The following HNF4G variants were observed in gnomAD, a reference collection of about 807,000 sequenced individuals.
The protein encoded by HNF4G is hepatocyte nuclear factor 4-gamma.
A neutral mutation model predicts 50.9 loss-of-function variants in HNF4G; 21 were observed. The ratio of observed to expected loss-of-function variants is 0.41; its 90% CI spans 0.29 to 0.59. The LOEUF (loss-of-function observed/expected upper bound fraction) is 0.59, where lower values mean the gene tolerates loss of function less well. Ranked by LOEUF, HNF4G falls within the 20% of genes least tolerant of loss-of-function variation. The pLI is 0.26. For synonymous variants in HNF4G, 198 were observed against 185.6 expected, an observed-to-expected ratio of 1.07 and a Z score of -0.54; for missense variants, 527 against 559.4, an observed-to-expected ratio of 0.94 and a Z score of 0.58.
chr8:75,470,093 C>T (rs1812079066), intron 1 of HNF4G, among the ~76,000 whole-genome samples: 1 of 152,186 alleles, frequency 6.6e-6, no homozygotes, highest in African/African-American at 2.4e-5. Context: ...GCCTTCTCCA[C>T]TCAGCAAAGC....
At chr8:75,447,551 T>C (rs930086800) in intron 1 of HNF4G, among the ~76,000 whole-genome samples, 2 of 147,538 alleles carry the variant, frequency 1.4e-5, no homozygotes, top group African/African-American at 5.0e-5. Flanking sequence ...AGGGCTAATA[T>C]CCAGAATCTA....
At chr8:75,548,525 T>A (rs1290722719) in intron 3 of HNF4G, among the ~76,000 whole-genome samples, 6 of 152,164 alleles carry the variant, frequency 3.9e-5, no homozygotes, top group Non-Finnish European at 8.8e-5. Context: ...AGAGACTAGA[T>A]GTGCTATTTT....
intron 1 of HNF4G, among the ~76,000 whole-genome samples, chr8:75,542,338 G>T (rs894894603): frequency 6.6e-6 from 1 of 151,804 alleles, no homozygotes; most frequent in African/African-American, 2.4e-5. Flanking sequence ...ATAAGCAGGG[G>T]TCTAGGTTCT....
chr8:75,409,249 C>T (rs905020710), intron 1 of HNF4G, among the ~76,000 whole-genome samples: 1 of 151,988 alleles, frequency 6.6e-6, no homozygotes, highest in African/African-American at 2.4e-5. Flanking sequence ...TTTGTCTTCC[C>T]ATTTCTCCTA....
intron 6 of HNF4G, among the ~76,000 whole-genome samples, chr8:75,557,785 G>A (rs2941470): frequency 0.64 from 97,661 of 152,082 alleles, 33,104 homozygotes; most frequent in African/African-American, 0.86. Context: ...TAGAATATTT[G>A]TCTTTTTATA....
chr8:75,512,558 G>A (rs747876628), intron 2 of HNF4G, among the ~76,000 whole-genome samples: 47 of 151,728 alleles, frequency 3.1e-4, no homozygotes, highest in Non-Finnish European at 5.3e-4. Flanking sequence ...TCCGCCTCCC[G>A]GGTTCATGCC....
intron 1 of HNF4G, among the ~76,000 whole-genome samples, chr8:75,540,851 A>ATGTG (rs56799230): frequency 0.061 from 8,911 of 146,392 alleles, 314 homozygotes; most frequent in African/African-American, 0.086. Flanking sequence ...GAAAATGTGT[A>ATGTG]TGTGTGTGTG....
upstream of HNF4G, among the ~76,000 whole-genome samples, chr8:75,537,942 T>C (rs1806512695): frequency 1.3e-5 from 2 of 152,180 alleles, no homozygotes; most frequent in African/African-American, 4.8e-5. Context: ...TTATGAGTCC[T>C]AGAATTTAAG....
In HNF4G at chr8:75,560,396, T is replaced by G; in HGVS notation, c.1176T>G (p.Ser392=). ...ATCATCCAATGCATCCACATTTGTC[T>G]CAAGACCCATTAACTGGACAAACTA... is the stretch of plus-strand genomic sequence containing the variant. The part of the protein sequence containing the change: ...HLHHPMHPHL[S]QDPLTGQTIL... Residue 392 remains serine (S), a synonymous_variant, in exon 9 of 10, where the codon TCT becomes TCG. Transcript: ENST00000396423. 6.2e-7 allele frequency: 1 copy of G among 1,613,236 alleles called. No homozygotes were observed. The highest frequency in any genetic ancestry group is 1.1e-5 in the South Asian group (1 of 91,058).
chr8:75,449,807 T>A lies in HNF4G; in HGVS notation c.-143-40282T>A, dbSNP rs1445182146. Among the ~76,000 whole-genome samples the A allele has an allele frequency of 6.6e-5, 10 of 152,194 alleles. No homozygotes were observed. In the South Asian group the frequency reaches 1.9e-3, roughly 28 times the overall value. On this transcript the variant is annotated intron_variant, in intron 1 of 10. Coordinates refer to the HNF4G transcript ENST00000354370. The stretch of plus-strand genomic sequence containing the variant: ...CAGGCATGAGCCACCGCGCCCGGCC[T>A]ATCTCAATAATATTTTTTGTTGTGA...
chr8:75,542,183 T>C (rs1413724211), intron 1 of HNF4G, among the ~76,000 whole-genome samples: 1 of 152,014 alleles, frequency 6.6e-6, no homozygotes, highest in Non-Finnish European at 1.5e-5. Flanking sequence ...TGTACTCCTG[T>C]AGCCCCAACT....
intron 5 of HNF4G, among the ~76,000 whole-genome samples, chr8:75,554,262 G>A (rs752820799): frequency 3.3e-5 from 5 of 151,922 alleles, no homozygotes; most frequent in Non-Finnish European, 5.9e-5. Context: ...ATATAAGTAG[G>A]GTTACGTTAT....
At chr8:75,455,630 A>G (rs1024240123) in intron 1 of HNF4G, among the ~76,000 whole-genome samples, 2 of 152,178 alleles carry the variant, frequency 1.3e-5, no homozygotes, top group African/African-American at 2.4e-5. Context: ...ATTTATTCTG[A>G]TAAATCATTT....
At chr8:75,454,074 TCTCC>T (rs1181093165) in intron 1 of HNF4G, among the ~76,000 whole-genome samples, 38 of 140,370 alleles carry the variant, frequency 2.7e-4, no homozygotes, top group South Asian at 1.7e-3. Context: ...TCTCTTCCTT[TCTCC>T]CTCCCTCCCT....
intron 1 of HNF4G, among the ~76,000 whole-genome samples, chr8:75,477,995 A>T (rs190456379): frequency 1.3e-4 from 19 of 151,634 alleles, no homozygotes; most frequent in Admixed American, 1.2e-3. Flanking sequence ...AAAAATTATG[A>T]TGCATTAGCT....
intron 2 of HNF4G, among the ~76,000 whole-genome samples, chr8:75,522,867 T>A (rs891396905): frequency 6.6e-6 from 1 of 151,970 alleles, no homozygotes; most frequent in Non-Finnish European, 1.5e-5. Context: ...CTCACTGGAG[T>A]TTATTTACTT....
At chr8:75,413,290 G>A (rs903860645) in intron 1 of HNF4G, among the ~76,000 whole-genome samples, 5 of 140,482 alleles carry the variant, frequency 3.6e-5, no homozygotes, top group South Asian at 2.6e-4. Flanking sequence ...GGAGAGGAGA[G>A]GAGGACAGGA....
intron 1 of HNF4G, among the ~76,000 whole-genome samples, chr8:75,439,759 TCCA>T (rs1811230429): frequency 6.6e-6 from 1 of 152,004 alleles, no homozygotes; most frequent in African/African-American, 2.4e-5. Context: ...GCATTATATC[TCCA>T]CATTAGTTTT....
intron 1 of HNF4G, among the ~76,000 whole-genome samples, chr8:75,447,454 C>A (rs1276510037): frequency 7.2e-6 from 1 of 138,360 alleles, no homozygotes; most frequent in Non-Finnish European, 1.6e-5. Context: ...AACTAAAGAG[C>A]TTCTGCACAG....
Sources: allele counts gnomAD v4.1 joint callset (sites outside exome capture counted in the v4.1 genomes callset), GRCh38; gene constraint gnomAD v4.1.1; transcripts MANE v1.5; gene names NCBI Gene and HGNC (gene_info 2026-07-23, HGNC 2026-07-21).